GREM2: variants seen among roughly 807,000 people sequenced by gnomAD.
The protein encoded by GREM2 is gremlin 2, DAN family BMP antagonist.
Under a neutral mutation model 14.2 loss-of-function variants are expected in GREM2, and 11 were observed. The ratio of observed to expected loss-of-function variants is 0.78; its 90% CI spans 0.49 to 1.28. The LOEUF is 1.28. Ranked by LOEUF, GREM2 falls within the 50% of genes most tolerant of loss-of-function variation. The pLI is 0.00. For missense variants in GREM2, 210 were observed against 218.5 expected, an observed-to-expected ratio of 0.96 and a Z score of 0.24; for synonymous variants, 98 against 97.6, an observed-to-expected ratio of 1.00 and a Z score of -0.02.
At chr1:240,497,650 A>AC (rs1677459719) in intron 1 of GREM2, among the ~76,000 whole-genome samples, 2 of 141,344 alleles carry the variant, frequency 1.4e-5, no homozygotes, top group African/African-American at 5.6e-5. Flanking sequence ...AGAAAAAAAA[A>AC]GTTTTTTTTT....
At chr1:240,554,969 C>T (rs1678926441) in intron 1 of GREM2, among the ~76,000 whole-genome samples, 2 of 152,026 alleles carry the variant, frequency 1.3e-5, no homozygotes, top group South Asian at 2.1e-4. Flanking sequence ...CATGGTGAAA[C>T]CCTGTCTCTA....
intron 1 of GREM2, among the ~76,000 whole-genome samples, chr1:240,603,516 A>G (rs1258102574): frequency 6.6e-6 from 1 of 150,966 alleles, no homozygotes; most frequent in Non-Finnish European, 1.5e-5. Context: ...TCCATCTCCC[A>G]TCCATCTCCC....
chr1:240,569,751 A>G (rs1231287643), intron 1 of GREM2, among the ~76,000 whole-genome samples: 1 of 152,206 alleles, frequency 6.6e-6, no homozygotes, highest in Non-Finnish European at 1.5e-5. Flanking sequence ...TCACATAAGA[A>G]AAAGAAAGGA....
Position 240,498,460 on chromosome 1 carries a change from C to T in GREM2, c.-1-4984G>A, listed in dbSNP as rs145940210. ...AGAGGTGTTCGGCCATGGTGACCCA[C>T]AGTGACTGTGAGGCTGTATCCTCCT... On this transcript the variant is annotated intron_variant, in intron 1 of 1. Coordinates refer to ENST00000318160, the MANE Select transcript of GREM2 (RefSeq NM_022469.4). 4.3e-3 allele frequency among the ~76,000 whole-genome samples: 649 copies of T among 152,304 alleles called. 2 individuals carry two copies. Among genetic ancestry groups the T allele is most frequent in the Middle Eastern group, 0.014 (4 of 294 alleles).
chr1:240,550,599 T>C (rs1399402550), intron 1 of GREM2, among the ~76,000 whole-genome samples: 1 of 152,092 alleles, frequency 6.6e-6, no homozygotes, highest in Non-Finnish European at 1.5e-5. Flanking sequence ...GTAGCATCAG[T>C]TGTTTTGCAT....
chr1:240,568,935 C>T (rs1486526349), intron 1 of GREM2, among the ~76,000 whole-genome samples: 9 of 152,010 alleles, frequency 5.9e-5, no homozygotes, highest in Non-Finnish European at 1.3e-4. Context: ...CCTGTAATCC[C>T]AGCTAATTGG....
intron 1 of GREM2, among the ~76,000 whole-genome samples, chr1:240,525,493 G>A (rs1678200430): frequency 1.3e-5 from 2 of 151,894 alleles, no homozygotes; most frequent in African/African-American, 4.8e-5. Flanking sequence ...CTCCACAAAT[G>A]TTAATTTCTT....
chr1:240,529,073 C>CTTCATTCAG (rs1477736178), intron 1 of GREM2, among the ~76,000 whole-genome samples: 1 of 152,104 alleles, frequency 6.6e-6, no homozygotes, highest in East Asian at 1.9e-4. Flanking sequence ...ACCTTCTAGC[C>CTTCATTCAG]TTCATTCAGT....
intron 1 of GREM2, among the ~76,000 whole-genome samples, chr1:240,596,176 G>C (rs1311508226): frequency 6.6e-6 from 1 of 152,088 alleles, no homozygotes; most frequent in East Asian, 1.9e-4. Flanking sequence ...GAATTAATTT[G>C]GGAGATGAAG....
chr1:240,580,314 G>T (rs1572408633), intron 1 of GREM2, among the ~76,000 whole-genome samples: 1 of 152,248 alleles, frequency 6.6e-6, no homozygotes, highest in East Asian at 1.9e-4. Context: ...AATGTAACAT[G>T]AATAACTGTT....
chr1:240,590,919 T>C (rs373852727), intron 1 of GREM2, among the ~76,000 whole-genome samples: 11 of 152,052 alleles, frequency 7.2e-5, no homozygotes, highest in South Asian at 4.2e-4. Context: ...CTGAGTGGGA[T>C]TACAGGCACG....
rs114792452 is a variant in GREM2 at position 240,525,807 on chromosome 1, G to T, written c.-1-32331C>A. Among the ~76,000 whole-genome samples the T allele has an allele frequency of 5.5e-3, 832 of 152,302 alleles. 7 individuals carry two copies. The highest frequency in any genetic ancestry group is 0.019 in the African/African-American group (785 of 41,560). On this transcript the variant is annotated intron_variant, in intron 1 of 1. Transcript: ENST00000318160. Reference sequence around the variant, plus strand: ...ATCTTACTATCTTAGAGTTCTGTCGGTTAGAAATCTGACATGGGTCTCACT... The same window carrying T: ...ATCTTACTATCTTAGAGTTCTGTCGTTTAGAAATCTGACATGGGTCTCACT...
intron 1 of GREM2, among the ~76,000 whole-genome samples, chr1:240,544,799 T>C (rs575221841): frequency 1.8e-4 from 28 of 152,334 alleles, no homozygotes; most frequent in Admixed American, 8.5e-4. Flanking sequence ...TGTTGTTTTA[T>C]GTATAATCTA....
chr1:240,510,892 C>T (rs1326546526), intron 1 of GREM2, among the ~76,000 whole-genome samples: 1 of 152,090 alleles, frequency 6.6e-6, no homozygotes, highest in Non-Finnish European at 1.5e-5. Flanking sequence ...TTTTAAAAAA[C>T]GTAATCCTTT....
chr1:240,588,651 C>T (rs753092654), intron 1 of GREM2: 3 of 152,100 alleles, frequency 2.0e-5, no homozygotes, highest in African/African-American at 7.2e-5. Context: ...GAGCCTGAAC[C>T]GGAACCTATG....
At chr1:240,563,617 T>A (rs1679117336) in intron 1 of GREM2, among the ~76,000 whole-genome samples, 1 of 152,160 alleles carries the variant, frequency 6.6e-6, no homozygotes, top group Admixed American at 6.5e-5. Flanking sequence ...AGGCGGTCTC[T>A]ATAGCAACTG....
chr1:240,521,457 G>A (rs1211363520), intron 1 of GREM2, among the ~76,000 whole-genome samples: 2 of 151,640 alleles, frequency 1.3e-5, no homozygotes, highest in South Asian at 2.1e-4. Flanking sequence ...TGTAGTCCCA[G>A]CTACTCGAGA....
intron 1 of GREM2, among the ~76,000 whole-genome samples, chr1:240,603,783 TTG>T (rs532201231): frequency 1.4e-3 from 214 of 152,018 alleles, no homozygotes; most frequent in African/African-American, 4.8e-3. Flanking sequence ...ATATATGTTA[TTG>T]TGTTATTATA....
intron 1 of GREM2, among the ~76,000 whole-genome samples, chr1:240,511,932 T>TAAG (rs1481678418): frequency 6.6e-6 from 1 of 152,064 alleles, no homozygotes; most frequent in Admixed American, 6.6e-5. Context: ...CCAATAAGAA[T>TAAG]AAGTGTGGAA....
Sources: allele counts gnomAD v4.1 joint callset (sites outside exome capture counted in the v4.1 genomes callset), GRCh38; gene constraint gnomAD v4.1.1; transcripts MANE v1.5; gene names NCBI Gene and HGNC (gene_info 2026-07-23, HGNC 2026-07-21).